TPRG1: variants seen among roughly 807,000 people sequenced by gnomAD.
TPRG1 encodes tumor protein p63 regulated 1.
TPRG1 carries 29 observed loss-of-function variants against 29.3 expected under a neutral mutation model. That is an observed-to-expected ratio of 0.99 (90% CI 0.74 to 1.35). The LOEUF (loss-of-function observed/expected upper bound fraction) is 1.35, where lower values mean the gene tolerates loss of function less well. Among genes scored for constraint, TPRG1 ranks in the 40% most tolerant of loss-of-function variants. The probability of loss-of-function intolerance (pLI) is 0.00; values close to 1 mark genes in which losing one functional copy is unlikely to be tolerated. For synonymous variants in TPRG1, 130 were observed against 116.8 expected (o/e 1.11, Z -0.73); for missense variants, 327 against 335.0 (o/e 0.98, Z 0.19).
intron 4 of TPRG1, among the ~76,000 whole-genome samples, chr3:189,250,504 GC>G (rs35490260): frequency 0.068 from 1,597 of 23,568 alleles, 101 homozygotes; most frequent in Middle Eastern, 0.19. Flanking sequence ...TCTGATTTCC[GC>G]CCCCCCCCCC....
intron 4 of TPRG1, among the ~76,000 whole-genome samples, chr3:189,284,863 C>T (rs1031666337): frequency 2.0e-5 from 3 of 152,204 alleles, no homozygotes; most frequent in Admixed American, 1.3e-4. Context: ...CAATACCATT[C>T]AGGACATAGG....
intron 1 of TPRG1, among the ~76,000 whole-genome samples, chr3:189,188,476 A>G (rs896059354): frequency 6.6e-6 from 1 of 152,194 alleles, no homozygotes; most frequent in Non-Finnish European, 1.5e-5. Flanking sequence ...GCCTGCCTTT[A>G]CTATCCTGTC....
intron 1 of TPRG1, among the ~76,000 whole-genome samples, chr3:189,204,298 G>A (rs1290780203): frequency 6.6e-6 from 1 of 151,972 alleles, no homozygotes; most frequent in Admixed American, 6.5e-5. Flanking sequence ...AGCATTTCAC[G>A]GAATACAGCC....
At chr3:189,065,943 T>C (rs1306911865) in intron 4 of TPRG1, among the ~76,000 whole-genome samples, 2 of 152,118 alleles carry the variant, frequency 1.3e-5, no homozygotes, top group African/African-American at 4.8e-5. Context: ...AACTAATAAA[T>C]GAATTCATCA....
chr3:189,100,040 G>A (rs184822165), upstream of TPRG1: 3 of 152,450 alleles, frequency 2.0e-5, no homozygotes, highest in East Asian at 5.8e-4. Flanking sequence ...ATCAAGACGA[G>A]AGGACTGAAA....
At chr3:189,206,735 A>G (rs1734435123) in intron 1 of TPRG1, among the ~76,000 whole-genome samples, 1 of 151,876 alleles carries the variant, frequency 6.6e-6, no homozygotes, top group Admixed American at 6.6e-5. Flanking sequence ...TCCTGAGCAC[A>G]AGGGATCTAC....
intron 4 of TPRG1, among the ~76,000 whole-genome samples, chr3:189,087,298 A>C (rs992115911): frequency 2.6e-5 from 4 of 152,224 alleles, no homozygotes; most frequent in South Asian, 4.1e-4. Context: ...GGCTGCATAA[A>C]TGTCTTCTTT....
At chr3:189,060,734 C>T (rs1415893332) in intron 4 of TPRG1, among the ~76,000 whole-genome samples, 2 of 152,026 alleles carry the variant, frequency 1.3e-5, no homozygotes, top group Non-Finnish European at 2.9e-5. Flanking sequence ...ATACAGCTAA[C>T]CAGAAAGGTA....
chr3:189,302,225 C>T (rs996877883), intron 4 of TPRG1, among the ~76,000 whole-genome samples: 19 of 152,114 alleles, frequency 1.2e-4, no homozygotes, highest in African/African-American at 4.8e-5. Flanking sequence ...TTATATCTTT[C>T]GAGGTCCTTG....
At chr3:189,259,090 T>A (rs1242523645) in intron 4 of TPRG1, among the ~76,000 whole-genome samples, 1 of 152,150 alleles carries the variant, frequency 6.6e-6, no homozygotes, top group Non-Finnish European at 1.5e-5. Flanking sequence ...CCAGATGGCC[T>A]CCCAGTTTTG....
chr3:189,229,370 G>C lies in TPRG1; in HGVS notation c.303-9363G>C, dbSNP rs112112351. On this transcript the variant is annotated intron_variant, in intron 3 of 5. Coordinates refer to ENST00000345063, the MANE Select transcript of TPRG1 (RefSeq NM_198485.4). ...TGGCAGGCAGTTCCTATTTTCTGTG[G>C]TGGAAGTTCAGCCTTTGGCCGTAGC... is the stretch of plus-strand genomic sequence containing the variant. Among the ~76,000 whole-genome samples the C allele has an allele frequency of 4.0e-3, 606 of 152,272 alleles. 1 individual carries two copies. Among genetic ancestry groups the C allele is most frequent in the African/African-American group, 0.014 (581 of 41,552 alleles).
intron 3 of TPRG1, among the ~76,000 whole-genome samples, chr3:189,145,828 G>A (rs1021126466): frequency 1.3e-4 from 20 of 152,192 alleles, no homozygotes; most frequent in African/African-American, 4.6e-4. Context: ...CTGCTAAGAA[G>A]TGATTAACAC....
intron 4 of TPRG1, among the ~76,000 whole-genome samples, chr3:189,270,999 C>T (rs1168689619): frequency 1.3e-5 from 2 of 152,124 alleles, no homozygotes; most frequent in African/African-American, 4.8e-5. Flanking sequence ...TTTGCTTGCT[C>T]ATTATTTGAT....
At chr3:189,201,326 G>T (rs565731645) in intron 1 of TPRG1, among the ~76,000 whole-genome samples, 16 of 152,298 alleles carry the variant, frequency 1.1e-4, no homozygotes, top group Non-Finnish European at 2.1e-4. Context: ...AAGCTTTGTG[G>T]ATATTATAGA....
At chr3:189,272,032 T>C (rs1390724063) in intron 4 of TPRG1, among the ~76,000 whole-genome samples, 2 of 152,228 alleles carry the variant, frequency 1.3e-5, no homozygotes, top group Non-Finnish European at 2.9e-5. Flanking sequence ...CCATTTGTTT[T>C]GGATTCTAAT....
intron 4 of TPRG1, among the ~76,000 whole-genome samples, chr3:189,067,663 A>G (rs190057396): frequency 6.6e-6 from 1 of 152,340 alleles, no homozygotes; most frequent in East Asian, 1.9e-4. Flanking sequence ...ATATGTAAAA[A>G]AAATCAAATC....
At chr3:189,018,694 G>A (rs1304977955) in intron 3 of TPRG1, among the ~76,000 whole-genome samples, 12 of 151,282 alleles carry the variant, frequency 7.9e-5, no homozygotes, top group East Asian at 5.9e-4. Context: ...TTTTGGCTTA[G>A]GATTGACTTG....
intron 3 of TPRG1, among the ~76,000 whole-genome samples, chr3:189,009,762 C>CA (rs1712496034): frequency 6.6e-6 from 1 of 151,602 alleles, no homozygotes; most frequent in African/African-American, 2.4e-5. Context: ...GGTCGACACC[C>CA]AGGTGCAATA....
In TPRG1 at chr3:189,233,153, C is replaced by G. The variant is rs534099701; in HGVS notation, c.303-5580C>G. Among the ~76,000 whole-genome samples the G allele has an allele frequency of 9.5e-5, 13 of 136,642 alleles. No homozygotes were observed. In the East Asian group the frequency reaches 2.6e-3, roughly 28 times the overall value. The allele number at this position is 136,642 out of a possible 152,430, so 89.6% of individuals were successfully genotyped here. A position where few individuals can be genotyped will look rare whatever the true frequency, so the allele number is the denominator to read the frequency against. On this transcript the variant is annotated intron_variant, in intron 3 of 5. Coordinates refer to ENST00000345063, the MANE Select transcript of TPRG1 (RefSeq NM_198485.4). ...CTATTTAATATAAAGGAAGATACCT[C>G]TACTGAGTGTGTATGTGTGTGTGTG...
Sources: gnomAD v4.1 joint callset for allele counts (sites outside exome capture counted in the v4.1 genomes callset) on GRCh38, gnomAD v4.1.1 for gene constraint, MANE v1.5 for transcripts, NCBI Gene and HGNC (gene_info 2026-07-23, HGNC 2026-07-21) for gene names.